RAD54B: variants seen among roughly 807,000 people sequenced by gnomAD.
RAD54B encodes the protein RAD54 homolog B, also known as DNA repair and recombination protein RAD54B.
RAD54B carries 78 observed loss-of-function variants against 95.8 expected under a neutral mutation model. That is an observed-to-expected ratio of 0.81 (90% CI 0.68 to 0.98). The LOEUF is 0.98. Ranked by LOEUF, RAD54B falls within the 50% of genes least tolerant of loss-of-function variation. The probability of loss-of-function intolerance (pLI) is 0.00; values close to 1 mark genes in which losing one functional copy is unlikely to be tolerated. For synonymous variants in RAD54B, 328 were observed against 354.9 expected, an observed-to-expected ratio of 0.92 and a Z score of 0.85; for missense variants, 957 against 1,056.6, an observed-to-expected ratio of 0.91 and a Z score of 1.31.
chr8:94,432,030 ACAACATTTTT>A (rs1586165728), intron 3 of RAD54B: 3 of 1,397,064 alleles, frequency 2.1e-6, no homozygotes, highest in Middle Eastern at 2.4e-4. Flanking sequence ...ATAGAGATTA[ACAACATTTTT>A]CAAGAACGTG....
intron 3 of RAD54B, among the ~76,000 whole-genome samples, chr8:94,454,506 T>C (rs1280105957): frequency 6.6e-6 from 1 of 152,262 alleles, no homozygotes. Context: ...TAAAATATAT[T>C]AGTTTCATGA....
chr8:94,387,134 T>TCA lies in RAD54B; in HGVS notation c.1833_1834dup (p.Asp612ValfsTer14), dbSNP rs1810908548. The TCA allele has an allele frequency of 1.2e-6, 2 of 1,600,294 alleles. No individual in the cohort carries two copies. The highest frequency in any genetic ancestry group is 2.3e-5 in the South Asian group (2 of 87,488). On this transcript the variant is annotated frameshift_variant, in exon 11 of 15. Coordinates refer to ENST00000336148, the MANE Select transcript of RAD54B (RefSeq NM_012415.3). LOFTEE classifies it high-confidence loss of function. Reference sequence around the variant, plus strand: ...GTATAGACTCTTTTCTTCATTTTTATCACAAGTTGAGCTACATTCCTTTTC... The same window carrying TCA: ...GTATAGACTCTTTTCTTCATTTTTATCACACAAGTTGAGCTACATTCCTTTTC...
chr8:94,376,647 T>C (rs1335856071), intron 14 of RAD54B, among the ~76,000 whole-genome samples: 1 of 150,172 alleles, frequency 6.7e-6, no homozygotes, highest in Non-Finnish European at 1.5e-5. Flanking sequence ...CACTAAAAAA[T>C]AAAAATATAT....
At position 94,380,113 on chromosome 8, in the gene RAD54B, A is replaced by G. The variant is rs1436070305; in HGVS notation, c.2247+32T>C. ...TAGGCATTGTATCCTCAGGCATTCA[A>G]TAATATCTATTTAATGCATAAATAT... is the stretch of plus-strand genomic sequence containing the variant. On this transcript the variant is annotated intron_variant, in intron 12 of 14. Coordinates refer to ENST00000336148, the MANE Select transcript of RAD54B (RefSeq NM_012415.3). The G allele has an allele frequency of 5.7e-6, 9 of 1,565,976 alleles. No homozygotes were observed. The Admixed American group carries it at 1.2e-4, about 21-fold the overall frequency.
intron 3 of RAD54B, among the ~76,000 whole-genome samples, chr8:94,438,860 A>T (rs1423212742): frequency 6.6e-6 from 1 of 152,150 alleles, no homozygotes; most frequent in African/African-American, 2.4e-5. Context: ...CAGTTTTGAG[A>T]GGCCAAGGAT....
intron 5 of RAD54B, among the ~76,000 whole-genome samples, chr8:94,406,009 C>CAA (rs1248792266): frequency 2.8e-4 from 39 of 140,074 alleles, no homozygotes; most frequent in Admixed American, 1.2e-3. Context: ...CTTTTACACA[C>CAA]ACACACACAC....
chr8:94,380,120 CTATTTAATGCA>C lies in RAD54B; in HGVS notation c.2247+14_2247+24del. On this transcript the variant is annotated intron_variant, in intron 12 of 14. Coordinates refer to ENST00000336148, the MANE Select transcript of RAD54B (RefSeq NM_012415.3). ...TGTATCCTCAGGCATTCAATAATAT[CTATTTAATGCA>C]TAAATATTCCTACCTGAATGTCAGT... 6.4e-7 allele frequency: 1 copy of C among 1,573,830 alleles called. No individual in the cohort carries two copies. Among genetic ancestry groups the C allele is most frequent in the Non-Finnish European group, 8.7e-7 (1 of 1,151,190 alleles).
intron 2 of RAD54B, among the ~76,000 whole-genome samples, chr8:94,458,860 C>A (rs1318573811): frequency 1.3e-5 from 2 of 150,990 alleles, no homozygotes; most frequent in Non-Finnish European, 2.9e-5. Flanking sequence ...GAGTGAGACT[C>A]CATCTAAAAA....
chr8:94,436,999 G>T, intron 3 of RAD54B: 1 of 1,395,014 alleles, frequency 7.2e-7, no homozygotes. Context: ...GCCTACAGGG[G>T]AGGGTTTATT....
chr8:94,391,768 T>G lies in RAD54B; in HGVS notation c.1650A>C (p.Arg550=). Residue 550 remains arginine (R), a synonymous_variant, in exon 10 of 15, where the codon CGA becomes CGC. Transcript: ENST00000336148. ...AAAGCTCAATCTGTAGTGCTCCTGG[T>G]CGGCAAAAGACAACATTCTCTATTT... is the stretch of plus-strand genomic sequence containing the variant. ...PPKIENVVFC[R]PGALQIELYR... 1 of 1,614,116 alleles carries G rather than the reference T, an allele frequency of 6.2e-7. No homozygotes were observed. Among genetic ancestry groups the G allele is most frequent in the Non-Finnish European group, 8.5e-7 (1 of 1,180,014 alleles).
chr8:94,440,312 T>C (rs554706885), intron 3 of RAD54B, among the ~76,000 whole-genome samples: 8 of 152,314 alleles, frequency 5.3e-5, no homozygotes, highest in East Asian at 1.9e-4. Flanking sequence ...TGTTTGATTA[T>C]ATTACAATAA....
At position 94,458,450 on chromosome 8, in the gene RAD54B, A is replaced by G. The variant is rs1162222522; in HGVS notation, c.136-14T>C. ...AATTGCAACACCCTAAAAGAAACAA[A>G]TATATATTTAAATCAGAACTCAAAC... On this transcript the variant is annotated splice_polypyrimidine_tract_variant and intron_variant, in intron 2 of 14. Transcript: ENST00000336148. The G allele has an allele frequency of 6.5e-7, 1 of 1,528,484 alleles. No individual in the cohort carries two copies. The highest frequency in any genetic ancestry group is 2.4e-5 in the East Asian group (1 of 42,516). 94.7% of individuals were successfully genotyped at this position (1,528,484 alleles called of 1,614,324 possible).
intron 1 of RAD54B, among the ~76,000 whole-genome samples, chr8:94,474,684 A>G (rs959597387): frequency 2.6e-5 from 4 of 151,614 alleles, no homozygotes; most frequent in Non-Finnish European, 5.9e-5. Context: ...GGAGAGACCC[A>G]AAAGCCAAGA....
intron 3 of RAD54B, among the ~76,000 whole-genome samples, chr8:94,414,980 T>C (rs1338577424): frequency 6.6e-6 from 1 of 152,206 alleles, no homozygotes; most frequent in Non-Finnish European, 1.5e-5. Context: ...CCCATCAAGC[T>C]ACCAATGTCT....
At position 94,436,740 on chromosome 8, in the gene RAD54B, A is replaced by G. The variant is rs558892664; in HGVS notation, c.304+21528T>C. The G allele has an allele frequency of 3.9e-6, 6 of 1,550,688 alleles. No homozygotes were observed. In the African/African-American group the frequency reaches 5.5e-5, roughly 14 times the overall value. On this transcript the variant is annotated intron_variant, in intron 3 of 14. Coordinates refer to ENST00000336148, the MANE Select transcript of RAD54B (RefSeq NM_012415.3). Reference sequence around the variant, plus strand: ...TAACTGCTATGATATCCCAACATCTATTCTTTTCTACTATTACTGAATGTT... The same window carrying G: ...TAACTGCTATGATATCCCAACATCTGTTCTTTTCTACTATTACTGAATGTT...
chr8:94,451,705 T>C (rs1185834249), intron 3 of RAD54B, among the ~76,000 whole-genome samples: 1 of 152,052 alleles, frequency 6.6e-6, no homozygotes, highest in Non-Finnish European at 1.5e-5. Flanking sequence ...TAAGGAAATA[T>C]CAAACAAACC....
At chr8:94,384,150 TA>T (rs959591967) in intron 11 of RAD54B, among the ~76,000 whole-genome samples, 8 of 150,608 alleles carry the variant, frequency 5.3e-5, no homozygotes, top group African/African-American at 1.2e-4. Context: ...ATCTATAAAT[TA>T]AAAAAAAAGA....
intron 11 of RAD54B, among the ~76,000 whole-genome samples, chr8:94,384,738 A>C (rs1810829251): frequency 6.6e-6 from 1 of 152,218 alleles, no homozygotes; most frequent in Non-Finnish European, 1.5e-5. Context: ...CAACAGAACA[A>C]AGACCCAGCC....
intron 3 of RAD54B, among the ~76,000 whole-genome samples, chr8:94,434,801 C>A (rs1300449122): frequency 6.6e-6 from 1 of 151,162 alleles, no homozygotes; most frequent in African/African-American, 2.4e-5. Flanking sequence ...CCTTTAAAAC[C>A]TAACAAATTG....
Sources: gnomAD v4.1 joint callset for allele counts (sites outside exome capture counted in the v4.1 genomes callset) on GRCh38, gnomAD v4.1.1 for gene constraint, MANE v1.5 for transcripts, NCBI Gene and HGNC (gene_info 2026-07-23, HGNC 2026-07-21) for gene names.